The following CDH12 variants were observed in gnomAD, a reference collection of about 807,000 sequenced individuals.
The protein encoded by CDH12 is cadherin 12.
Under a neutral mutation model 74.1 loss-of-function variants are expected in CDH12, and 41 were observed. That is an observed-to-expected ratio of 0.55 (90% CI 0.43 to 0.72). CDH12 has a LOEUF of 0.72. Among genes scored for constraint, CDH12 ranks in the 30% least tolerant of loss-of-function variants. CDH12 has a pLI of 0.00. For missense variants in CDH12, 945 were observed against 977.2 expected (o/e 0.97, Z 0.44); for synonymous variants, 399 against 355.0 (o/e 1.12, Z -1.39).
intron 1 of CDH12, among the ~76,000 whole-genome samples, chr5:22,828,411 C>A (rs1736434837): frequency 6.6e-6 from 1 of 152,118 alleles, no homozygotes; most frequent in African/African-American, 2.4e-5. Flanking sequence ...TTAAAAATGT[C>A]ACTGGGATCT....
intron 3 of CDH12, among the ~76,000 whole-genome samples, chr5:22,313,462 G>A (rs766228622): frequency 6.6e-5 from 10 of 152,152 alleles, no homozygotes; most frequent in Non-Finnish European, 1.2e-4. Flanking sequence ...AATTTAGGGT[G>A]ACCAACTTAT....
intron 1 of CDH12, among the ~76,000 whole-genome samples, chr5:22,708,433 G>C (rs976697163): frequency 1.3e-5 from 2 of 152,198 alleles, no homozygotes. Context: ...TAAAGAAAGG[G>C]AGGTCAGAGA....
chr5:22,078,342 C>G (rs1483610578), intron 5 of CDH12, 104 bp downstream of exon 5: 2 of 932,892 alleles, frequency 2.1e-6, no homozygotes, highest in African/African-American at 1.6e-5. Flanking sequence ...TTCCAGTGTT[C>G]TAGTCACTGG....
rs1177697852 is a variant in CDH12, at chr5:22,763,899, A to G, written c.-523+89159T>C. ...GAATGAATAATAATTAAGATATAGA[A>G]CTTCAATCAGTTCCCCTATGCAGTA... On this transcript the variant is annotated intron_variant, in intron 1 of 14. Coordinates refer to ENST00000382254, the MANE Select transcript of CDH12 (RefSeq NM_004061.5). 2.6e-5 allele frequency among the ~76,000 whole-genome samples: 4 copies of G among 152,048 alleles called. No homozygotes were observed. The South Asian group carries it at 8.3e-4, about 32-fold the overall frequency.
intron 5 of CDH12, among the ~76,000 whole-genome samples, chr5:22,020,809 T>C (rs984656024): frequency 6.6e-6 from 1 of 152,100 alleles, no homozygotes; most frequent in African/African-American, 2.4e-5. Flanking sequence ...CCAAATACAG[T>C]CACATTAGAT....
intron 9 of CDH12, among the ~76,000 whole-genome samples, chr5:21,808,351 C>T (rs1747552608): frequency 6.6e-6 from 1 of 151,926 alleles, no homozygotes; most frequent in Non-Finnish European, 1.5e-5. Context: ...TTCTGTATTA[C>T]TTCAATTTTT....
At chr5:22,637,186 A>T (rs953559740) in intron 1 of CDH12, among the ~76,000 whole-genome samples, 1 of 152,216 alleles carries the variant, frequency 6.6e-6, no homozygotes, top group Admixed American at 6.5e-5. Flanking sequence ...TATACACAAA[A>T]TATATTCTTT....
intron 4 of CDH12, among the ~76,000 whole-genome samples, chr5:22,085,055 G>A (rs1310001467): frequency 6.6e-6 from 1 of 152,122 alleles, no homozygotes; most frequent in Non-Finnish European, 1.5e-5. Flanking sequence ...CAGGTACAGT[G>A]ATAAAATATT....
chr5:22,807,429 A>G (rs1238817083), intron 1 of CDH12, among the ~76,000 whole-genome samples: 1 of 152,176 alleles, frequency 6.6e-6, no homozygotes, highest in Non-Finnish European at 1.5e-5. Flanking sequence ...ATAATAATAG[A>G]GGGAGCTTCT....
chr5:22,764,702 T>G (rs1044574332), intron 1 of CDH12, among the ~76,000 whole-genome samples: 1 of 152,040 alleles, frequency 6.6e-6, no homozygotes, highest in African/African-American at 2.4e-5. Context: ...TCTGCAGATA[T>G]GATGCCTCAA....
intron 11 of CDH12, among the ~76,000 whole-genome samples, chr5:21,773,301 G>T (rs1745420158): frequency 6.6e-6 from 1 of 152,024 alleles, no homozygotes; most frequent in African/African-American, 2.4e-5. Context: ...TGCCAAAGGA[G>T]ATTAACATTT....
At chr5:22,279,428 A>G (rs1422891643) in intron 3 of CDH12, among the ~76,000 whole-genome samples, 1 of 152,190 alleles carries the variant, frequency 6.6e-6, no homozygotes, top group Admixed American at 6.5e-5. Flanking sequence ...CACAACGTGC[A>G]GGTTTGTTAC....
At chr5:21,874,030 T>C (rs1751795156) in intron 6 of CDH12, among the ~76,000 whole-genome samples, 3 of 152,362 alleles carry the variant, frequency 2.0e-5, no homozygotes, top group East Asian at 1.9e-4. Flanking sequence ...GTTGATTTCA[T>C]GTCTTTGCTA....
chr5:21,939,695 T>C (rs1561314391), intron 6 of CDH12, among the ~76,000 whole-genome samples: 1 of 152,140 alleles, frequency 6.6e-6, no homozygotes, highest in Non-Finnish European at 1.5e-5. Flanking sequence ...ATATTTAAAA[T>C]AAAATGAAAA....
intron 4 of CDH12, among the ~76,000 whole-genome samples, chr5:22,131,440 T>C (rs1375591405): frequency 6.6e-6 from 1 of 152,152 alleles, no homozygotes; most frequent in Non-Finnish European, 1.5e-5. Flanking sequence ...GATAGATTGA[T>C]TTTAGCTATT....
intron 4 of CDH12, among the ~76,000 whole-genome samples, chr5:22,132,538 A>G (rs1746229601): frequency 6.6e-6 from 1 of 151,326 alleles, no homozygotes; most frequent in Non-Finnish European, 1.5e-5. Context: ...CATGACTAGG[A>G]GAGGAAGAAA....
intron 1 of CDH12, among the ~76,000 whole-genome samples, chr5:22,782,690 A>T (rs1184694489): frequency 6.6e-6 from 1 of 152,126 alleles, no homozygotes; most frequent in African/African-American, 2.4e-5. Flanking sequence ...ATTTGACTTC[A>T]GTTTGATGAT....
intron 5 of CDH12, among the ~76,000 whole-genome samples, chr5:22,012,332 A>G (rs1179203841): frequency 6.6e-6 from 1 of 152,112 alleles, no homozygotes; most frequent in Non-Finnish European, 1.5e-5. Flanking sequence ...ACTTTAAAAA[A>G]AACATTACAA....
chr5:22,177,047 T>G (rs932679653), intron 4 of CDH12, among the ~76,000 whole-genome samples: 1 of 152,176 alleles, frequency 6.6e-6, no homozygotes, highest in African/African-American at 2.4e-5. Flanking sequence ...ATCAATAGTA[T>G]TTATGATAAC....
Sources: allele counts gnomAD v4.1 joint callset (sites outside exome capture counted in the v4.1 genomes callset), GRCh38; gene constraint gnomAD v4.1.1; transcripts MANE v1.5; gene names NCBI Gene and HGNC (gene_info 2026-07-23, HGNC 2026-07-21).